Variants in ATL1 observed in about 807,000 individuals in gnomAD.
ATL1 encodes atlastin GTPase 1, also known as atlastin-1.
A neutral mutation model predicts 75.5 loss-of-function variants in ATL1; 31 were observed. The ratio of observed to expected loss-of-function variants is 0.41; its 90% confidence interval spans 0.31 to 0.55. ATL1 has a LOEUF of 0.55. ATL1 is among the 20% of genes least tolerant of loss of function. The probability of loss-of-function intolerance (pLI) is 0.27; values close to 1 mark genes in which losing one functional copy is unlikely to be tolerated. For synonymous variants in ATL1, 226 were observed against 233.3 expected, an observed-to-expected ratio of 0.97 and a Z score of 0.28; for missense variants, 405 against 662.6, an observed-to-expected ratio of 0.61 and a Z score of 4.27.
intron 6 of ATL1, among the ~76,000 whole-genome samples, chr14:50,608,170 A>G (rs1367114660): frequency 6.6e-6 from 1 of 152,084 alleles, no homozygotes. Flanking sequence ...GCTAATTTGT[A>G]TTCTTGGTTT....
intron 7 of ATL1, 36 bp from the exon 8 acceptor site, chr14:50,614,337 T>C (rs758965544): frequency 1.2e-6 from 2 of 1,611,842 alleles, no homozygotes; most frequent in Non-Finnish European, 1.7e-6. Flanking sequence ...TAATTTGTGA[T>C]GAAAGTAGTT....
intron 1 of ATL1, among the ~76,000 whole-genome samples, chr14:50,587,443 C>T (rs929779833): frequency 2.0e-5 from 3 of 152,028 alleles, no homozygotes; most frequent in Non-Finnish European, 2.9e-5. Flanking sequence ...CAGGGTCTCC[C>T]TCTATTGTCC....
At chr14:50,544,586 G>A (rs2038604433) in intron 1 of ATL1, among the ~76,000 whole-genome samples, 1 of 152,134 alleles carries the variant, frequency 6.6e-6, no homozygotes, top group Non-Finnish European at 1.5e-5. Flanking sequence ...GTCTGCTTCT[G>A]ATGTGACTAG....
In ATL1 at chr14:50,620,687, G is replaced by T. The variant is rs370839611; in HGVS notation, c.951G>T (p.Gly317=). ...GCCTAGATATTAAAGAGATCAATGG[G>T]AATAAAATCACCTGCCGGGGTCTGG... ...PESLDIKEIN[G]NKITCRGLVE... is the part of the protein sequence containing the mutation. The change falls in exon 9 of 14, where the codon GGG becomes GGT. Residue 317 remains glycine (G), a synonymous_variant. Transcript: ENST00000358385. 6.2e-7 allele frequency: 1 copy of T among 1,613,692 alleles called. No individual in the cohort carries two copies. Among genetic ancestry groups the T allele is most frequent in the Admixed American group, 1.7e-5 (1 of 59,992 alleles).
At chr14:50,584,569 C>A (rs937052349) in intron 1 of ATL1, among the ~76,000 whole-genome samples, 1 of 151,728 alleles carries the variant, frequency 6.6e-6, no homozygotes, top group Non-Finnish European at 1.5e-5. Context: ...ATAAAAAATG[C>A]GAGGTGGCGG....
At chr14:50,542,059 T>G (rs2140146846) in intron 1 of ATL1, among the ~76,000 whole-genome samples, 2 of 145,816 alleles carry the variant, frequency 1.4e-5, no homozygotes, top group Non-Finnish European at 1.5e-5. Flanking sequence ...GAATATGCTG[T>G]TATCTGCTGA....
rs2039119808 is a variant in ATL1 at position 50,588,045 on chromosome 14, G to C, written c.249G>C (p.Leu83=). Residue 83 remains leucine, a synonymous_variant, in exon 2 of 14, where the codon CTG becomes CTC. Transcript: ENST00000358385. ...AGAFRKGKSF[L]MDFMLRYMYN... ...CATTTAGAAAAGGAAAATCATTCCT[G>C]ATGGACTTCATGTTGAGATACATGT... 6.2e-7 allele frequency: 1 copy of C among 1,614,200 alleles called. No individual in the cohort carries two copies. The highest frequency in any genetic ancestry group is 8.5e-7 in the Non-Finnish European group (1 of 1,180,030).
At chr14:50,561,466 C>T (rs906007989) in intron 1 of ATL1, among the ~76,000 whole-genome samples, 2 of 152,186 alleles carry the variant, frequency 1.3e-5, no homozygotes, top group Non-Finnish European at 2.9e-5. Context: ...AAGTTCAGAG[C>T]TGCTTGATTC....
chr14:50,544,483 A>C (rs1252414966), intron 1 of ATL1, among the ~76,000 whole-genome samples: 4 of 152,214 alleles, frequency 2.6e-5, no homozygotes, highest in Non-Finnish European at 5.9e-5. Context: ...CACAGGAGGA[A>C]AAGTCTGCTG....
At chr14:50,544,393 T>A (rs1373514263) in intron 1 of ATL1, among the ~76,000 whole-genome samples, 1 of 152,194 alleles carries the variant, frequency 6.6e-6, no homozygotes, top group African/African-American at 2.4e-5. Context: ...TCCCCCGTCT[T>A]AGGGAATAAA....
Position 50,537,356 on chromosome 14 carries a change from G to A in ATL1, c.-140+3989G>A, listed in dbSNP as rs183112906. Among the ~76,000 whole-genome samples the A allele has an allele frequency of 1.5e-3, 221 of 152,374 alleles. No homozygotes were observed. The Middle Eastern group carries it at 0.024, about 16-fold the overall frequency. On this transcript the variant is annotated intron_variant, in intron 1 of 13. Coordinates refer to the ATL1 transcript ENST00000441560. ...AGATGATGTATGGAAATGCCTGGAT[G>A]TCCAGGCAGAAGTTTTCTGCAGGGG...
rs193017182 is a variant in ATL1, at chr14:50,552,899, A to G, written c.-139-7228A>G. Among the ~76,000 whole-genome samples the G allele has an allele frequency of 2.6e-5, 4 of 152,378 alleles. No individual in the cohort carries two copies. In the East Asian group the frequency reaches 7.7e-4, roughly 29 times the overall value. On this transcript the variant is annotated intron_variant, in intron 1 of 13. Transcript: ENST00000441560. ...AGACTTAAACCTAAGAACTGAAACC[A>G]CAAAGATTCTAGAAGATAACATCAG...
chr14:50,566,479 C>T (rs1275205301), intron 1 of ATL1, among the ~76,000 whole-genome samples: 1 of 151,790 alleles, frequency 6.6e-6, no homozygotes, highest in Non-Finnish European at 1.5e-5. Flanking sequence ...TGCATTTTTC[C>T]ACAAGATATT....
chr14:50,605,687 A>G (rs1340006583), intron 6 of ATL1, among the ~76,000 whole-genome samples: 5 of 151,940 alleles, frequency 3.3e-5, no homozygotes, highest in African/African-American at 7.2e-5. Context: ...ATGTATTATC[A>G]TTATGTTTTA....
At position 50,609,268 on chromosome 14, in the gene ATL1, G is replaced by A. The variant is rs142371832; in HGVS notation, c.631-3991G>A. 6.8e-3 allele frequency among the ~76,000 whole-genome samples: 1,038 copies of A among 151,904 alleles called. 14 individuals are homozygous for A. The highest frequency in any genetic ancestry group is 0.023 in the African/African-American group (966 of 41,430). On this transcript the variant is annotated intron_variant, in intron 6 of 13. Transcript: ENST00000358385. ...GATCATTAAATGTATATTTGTTTGC[G>A]GAACTTAGACTAAATGCGGGACAAA...
At chr14:50,593,036 C>T (rs2039178027) in intron 4 of ATL1, among the ~76,000 whole-genome samples, 1 of 150,242 alleles carries the variant, frequency 6.7e-6, no homozygotes, top group Non-Finnish European at 1.5e-5. Context: ...TGAATACACA[C>T]ATTGTATAAG....
rs545852024 is a variant in ATL1, at chr14:50,570,215, G to A, written c.34+9916G>A. ...TGATGGTGTCCCACAGGTTTGTTAA[G>A]CTCTATTCAGTTTTCTTCAATCTTT... On this transcript the variant is annotated intron_variant, in intron 1 of 13. Coordinates refer to ENST00000358385, the MANE Select transcript of ATL1 (RefSeq NM_015915.5). 2.0e-5 allele frequency among the ~76,000 whole-genome samples: 3 copies of A among 152,224 alleles called. No homozygotes were observed. In the South Asian group the frequency reaches 6.2e-4, roughly 32 times the overall value.
At position 50,628,162 on chromosome 14, in the gene ATL1, C is replaced by A; in HGVS notation, c.1251C>A (p.Tyr417Ter). ...GTGGGGAAGAATTTAGCCGGCGTTA[C>A]CTGCAGCAGTTGGAGAGTGAAATAG... ...KMGGEEFSRRYLQQLESEIDE... is the reference protein window; with the variant it reads ...KMGGEEFSRR Residue 417 changes from tyrosine to a stop codon, truncating the protein, a stop_gained, in exon 12 of 14, where the codon TAC becomes TAA. Transcript: ENST00000358385. LOFTEE classifies it high-confidence loss of function. The A allele has an allele frequency of 6.2e-7, 1 of 1,614,162 alleles. No homozygotes were observed. The highest frequency in any genetic ancestry group is 8.5e-7 in the Non-Finnish European group (1 of 1,180,030).
At chr14:50,533,645 A>G (rs191442382) in intron 1 of ATL1, among the ~76,000 whole-genome samples, 270 of 152,324 alleles carry the variant, frequency 1.8e-3, no homozygotes, top group Non-Finnish European at 3.0e-3. Context: ...AAAGCCAGAT[A>G]ACACTCAGCC....
Sources: gnomAD v4.1 joint callset for allele counts (sites outside exome capture counted in the v4.1 genomes callset) on GRCh38, gnomAD v4.1.1 for gene constraint, MANE v1.5 for transcripts, NCBI Gene and HGNC (gene_info 2026-07-23, HGNC 2026-07-21) for gene names.